Variants in ACER2 observed in about 807,000 individuals in gnomAD.
The protein encoded by ACER2 is alkaline ceramidase 2.
A neutral mutation model predicts 34.7 loss-of-function variants in ACER2; 26 were observed. That is an observed-to-expected ratio of 0.75 (90% CI 0.55 to 1.04). The LOEUF (loss-of-function observed/expected upper bound fraction) is 1.04. ACER2 is among the 50% of genes least tolerant of loss of function. The pLI is 0.00. For synonymous variants in ACER2, 138 were observed against 132.1 expected, an observed-to-expected ratio of 1.04 and a Z score of -0.31; for missense variants, 352 against 340.8, an observed-to-expected ratio of 1.03 and a Z score of -0.26.
intron 5 of ACER2, among the ~76,000 whole-genome samples, chr9:19,448,004 C>CTTTTTTTTTTTT (rs557934540): frequency 1.8e-5 from 2 of 109,900 alleles, no homozygotes; most frequent in Non-Finnish European, 3.5e-5. Flanking sequence ...ACGATGCAAA[C>CTTTTTTTTTTTT]TTTTTTTTTT....
rs59209941 is a variant in ACER2 at position 19,412,656 on chromosome 9, C to CAA, written c.108+3482_108+3483dup. On this transcript the variant is annotated intron_variant, in intron 1 of 5. Transcript: ENST00000340967. ...TGGGCAACAGAGCAAGATTCTGTCTCAAAAAAAAAAAAAAAAAAACCAGCA... is the reference window on the plus strand; with the variant it reads ...TGGGCAACAGAGCAAGATTCTGTCTCAAAAAAAAAAAAAAAAAAAAACCAGCA... Among the ~76,000 whole-genome samples, 251 of 91,804 alleles carry CAA rather than the reference C, an allele frequency of 2.7e-3. 1 individual carries two copies. The South Asian group carries it at 0.028, about 10-fold the overall frequency. The allele number at this position is 91,804 out of a possible 152,430, so 60.2% of individuals were successfully genotyped here. A position where few individuals can be genotyped will look rare whatever the true frequency, so the allele number is the denominator to read the frequency against.
At chr9:19,446,062 C>T (rs1037267664) in intron 4 of ACER2, 3 of 756,692 alleles carry the variant, frequency 4.0e-6, no homozygotes, top group Non-Finnish European at 7.1e-6. Flanking sequence ...AGTCTGGAGT[C>T]AGGAGAGAAG....
At chr9:19,415,757 A>T (rs936555290) in intron 1 of ACER2, among the ~76,000 whole-genome samples, 1 of 152,142 alleles carries the variant, frequency 6.6e-6, no homozygotes, top group Non-Finnish European at 1.5e-5. Flanking sequence ...GGCACTAAAG[A>T]TCTTCTGGGG....
At chr9:19,434,261 C>G (rs980575803) in intron 3 of ACER2, among the ~76,000 whole-genome samples, 5 of 151,790 alleles carry the variant, frequency 3.3e-5, no homozygotes, top group Admixed American at 6.6e-5. Context: ...GAATGGCAGC[C>G]GGGCAGAGAT....
chr9:19,449,163 C>G (rs973675358), intron 5 of ACER2, among the ~76,000 whole-genome samples: 10 of 152,206 alleles, frequency 6.6e-5, no homozygotes, highest in Non-Finnish European at 1.0e-4. Flanking sequence ...TTATATTCAG[C>G]ATCTAGGCTT....
At chr9:19,421,097 A>C (rs897513654) in intron 1 of ACER2, among the ~76,000 whole-genome samples, 1 of 152,216 alleles carries the variant, frequency 6.6e-6, no homozygotes, top group Non-Finnish European at 1.5e-5. Context: ...TGTACTGGAC[A>C]CTGTAGGCAA....
intron 3 of ACER2, among the ~76,000 whole-genome samples, chr9:19,428,824 C>G (rs1213901855): frequency 1.8e-5 from 2 of 108,178 alleles, no homozygotes; most frequent in Non-Finnish European, 3.4e-5. Flanking sequence ...AAGTCTTGCT[C>G]TGTCACCCAG....
chr9:19,451,500 G>A lies in ACER2; in HGVS notation c.*864G>A, dbSNP rs1441665195. 1 of 152,568 alleles carries A rather than the reference G, an allele frequency of 6.6e-6. No individual in the cohort carries two copies. Among genetic ancestry groups the A allele is most frequent in the Non-Finnish European group, 1.5e-5 (1 of 68,012 alleles). 9.5% of individuals were successfully genotyped at this position (152,568 alleles called of 1,614,324 possible). A position where few individuals can be genotyped will look rare whatever the true frequency, so the allele number is the denominator to read the frequency against. ...GACTTCAGATAAACGTGAAGCTAATGAGTAAAACCCTCTCTGCCAAAACCT... is the reference window on the plus strand; with the variant it reads ...GACTTCAGATAAACGTGAAGCTAATAAGTAAAACCCTCTCTGCCAAAACCT... On this transcript the variant is annotated 3_prime_UTR_variant, in exon 6 of 6. Coordinates refer to ENST00000340967, the MANE Select transcript of ACER2 (RefSeq NM_001010887.3).
chr9:19,414,822 G>T (rs190619021), intron 1 of ACER2, among the ~76,000 whole-genome samples: 255 of 148,394 alleles, frequency 1.7e-3, no homozygotes, highest in Non-Finnish European at 3.2e-3. Flanking sequence ...CTCCAACCTG[G>T]CTGACAGAGC....
intron 4 of ACER2, 146 bp downstream of exon 4, chr9:19,435,230 T>A: frequency 9.0e-7 from 1 of 1,105,746 alleles, no homozygotes. Flanking sequence ...AGCAATTTGA[T>A]GGTTTGGTTC....
At chr9:19,449,718 T>A (rs1451545686) in intron 5 of ACER2, among the ~76,000 whole-genome samples, 2 of 151,898 alleles carry the variant, frequency 1.3e-5, no homozygotes, top group Non-Finnish European at 2.9e-5. Context: ...ACCCCCTCCC[T>A]CTCTACTAAA....
intron 4 of ACER2, among the ~76,000 whole-genome samples, chr9:19,442,054 A>G (rs529781061): frequency 3.9e-5 from 6 of 152,232 alleles, no homozygotes; most frequent in Middle Eastern, 3.4e-3. Context: ...AAGTATTTCC[A>G]TTGTCTTTTC....
intron 1 of ACER2, among the ~76,000 whole-genome samples, chr9:19,420,124 T>C (rs1302546824): frequency 2.0e-5 from 3 of 152,300 alleles, no homozygotes; most frequent in Non-Finnish European, 4.4e-5. Flanking sequence ...TTAGGTCTGG[T>C]AAAGCTCTTT....
chr9:19,434,778 G>A (rs973310762), intron 3 of ACER2, among the ~76,000 whole-genome samples, 169 bp from the exon 4 acceptor site: 1 of 151,410 alleles, frequency 6.6e-6, no homozygotes, highest in Non-Finnish European at 1.5e-5. Context: ...TTTTTTTTAA[G>A]ACGAAGTCTC....
chr9:19,433,859 C>T (rs1302036476), intron 3 of ACER2, among the ~76,000 whole-genome samples: 19 of 148,250 alleles, frequency 1.3e-4, no homozygotes, highest in East Asian at 4.1e-4. Flanking sequence ...TAGGGGCGGT[C>T]GGGCAGAGGT....
chr9:19,421,870 A>G (rs1300500877), intron 1 of ACER2, among the ~76,000 whole-genome samples: 1 of 152,224 alleles, frequency 6.6e-6, no homozygotes, highest in African/African-American at 2.4e-5. Flanking sequence ...AGTTTCCAAT[A>G]TGACAGTCAC....
At chr9:19,444,201 A>G (rs1030912527) in intron 4 of ACER2, among the ~76,000 whole-genome samples, 4 of 150,720 alleles carry the variant, frequency 2.7e-5, no homozygotes, top group Non-Finnish European at 5.9e-5. Flanking sequence ...TCGCAAAAAA[A>G]AAAAATCTCA....
intron 4 of ACER2, among the ~76,000 whole-genome samples, chr9:19,436,804 C>T (rs1453739272): frequency 6.6e-6 from 1 of 152,162 alleles, no homozygotes; most frequent in Non-Finnish European, 1.5e-5. Context: ...CTGTGATGAA[C>T]ATCTTTGTGT....
chr9:19,447,727 ACT>A, intron 5 of ACER2, among the ~76,000 whole-genome samples: 1 of 152,226 alleles, frequency 6.6e-6, no homozygotes, highest in Non-Finnish European at 1.5e-5. Flanking sequence ...AATAATTTTG[ACT>A]CAAACTTAAT....
Sources: allele counts gnomAD v4.1 joint callset (sites outside exome capture counted in the v4.1 genomes callset), GRCh38; gene constraint gnomAD v4.1.1; transcripts MANE v1.5; gene names NCBI Gene and HGNC (gene_info 2026-07-23, HGNC 2026-07-21).